The following CYFIP2 variants were observed in gnomAD, a reference collection of about 807,000 sequenced individuals.
CYFIP2 encodes cytoplasmic FMR1 interacting protein 2.
Under a neutral mutation model 158.7 loss-of-function variants are expected in CYFIP2, and 29 were observed. The observed-to-expected ratio is 0.18, with a 90% confidence interval of 0.14 to 0.25. The LOEUF is 0.25. Among genes scored for constraint, CYFIP2 ranks in the 10% least tolerant of loss-of-function variants. CYFIP2 has a pLI of 1.00. For missense variants in CYFIP2, 852 were observed against 1,639.5 expected (o/e 0.52, Z 8.29); for synonymous variants, 585 against 617.6 (o/e 0.95, Z 0.78).
chr5:157,365,273 A>C (rs1027271289), intron 26 of CYFIP2: 8 of 152,222 alleles, frequency 5.3e-5, no homozygotes, highest in African/African-American at 1.9e-4. Flanking sequence ...GAAATACCAG[A>C]AAGTGCGAAG....
chr5:157,293,136 G>T (rs1757968937), intron 3 of CYFIP2, among the ~76,000 whole-genome samples: 1 of 152,026 alleles, frequency 6.6e-6, no homozygotes, highest in Admixed American at 6.6e-5. Flanking sequence ...GCTCATTGCA[G>T]CCTCTGCCCC....
intron 24 of CYFIP2, 23 bp downstream of exon 24, chr5:157,359,171 C>A (rs1235519059): frequency 6.2e-7 from 1 of 1,613,514 alleles, no homozygotes; most frequent in African/African-American, 1.3e-5. Context: ...CTCAGTGTGG[C>A]TTGAGATATG....
At chr5:157,289,774 C>T (rs1429679710) in intron 3 of CYFIP2, among the ~76,000 whole-genome samples, 1 of 152,070 alleles carries the variant, frequency 6.6e-6, no homozygotes, top group African/African-American at 2.4e-5. Flanking sequence ...TTGGGGGGCA[C>T]ACAATTCAGC....
chr5:157,365,900 C>T lies in CYFIP2; in HGVS notation c.3039+4302C>T, dbSNP rs145824360. Among the ~76,000 whole-genome samples, 13 of 151,546 alleles carry T rather than the reference C, an allele frequency of 8.6e-5. 1 individual carries two copies. Among genetic ancestry groups the T allele is most frequent in the Admixed American group, 7.2e-4 (11 of 15,208 alleles). On this transcript the variant is annotated intron_variant, in intron 26 of 30. Coordinates refer to ENST00000620254, the MANE Select transcript of CYFIP2 (RefSeq NM_001037333.3). ...GCATGAACAGACTAACTGAATCATC[C>T]GTTTTACTGTGGGTGGACATTTGGG... is the stretch of plus-strand genomic sequence containing the variant.
chr5:157,285,614 C>T (rs141082748), intron 2 of CYFIP2, 136 bp downstream of exon 2: 330 of 716,748 alleles, frequency 4.6e-4, no homozygotes, highest in East Asian at 1.2e-3. Context: ...GTCCCTTGTG[C>T]GCTGGTAGAG....
At chr5:157,339,943 T>G (rs940999346) in intron 22 of CYFIP2, among the ~76,000 whole-genome samples, 6 of 152,166 alleles carry the variant, frequency 3.9e-5, no homozygotes, top group African/African-American at 1.4e-4. Flanking sequence ...GGCAGGATCG[T>G]GCATTTTTAT....
intron 8 of CYFIP2, among the ~76,000 whole-genome samples, chr5:157,305,723 C>T (rs1345251893): frequency 6.6e-6 from 1 of 152,200 alleles, no homozygotes; most frequent in Non-Finnish European, 1.5e-5. Context: ...CTATGTTGAC[C>T]AGGCTGGTCT....
rs1433088579 is a variant in CYFIP2, at chr5:157,330,847, C to G, written c.2262C>G (p.Val754=). Residue 754 remains valine, a synonymous_variant, in exon 20 of 31, where the codon GTC becomes GTG. Coordinates refer to ENST00000620254, the MANE Select transcript of CYFIP2 (RefSeq NM_001037333.3). The part of the protein sequence containing the change: ...RYETLLKQRH[V]QLLGRSIDLN... Reference sequence around the variant, plus strand: ...AAACACTGCTGAAGCAGAGACACGTCCAGGTATGGGGAGCAGAAGCCACCT... The same window carrying G: ...AAACACTGCTGAAGCAGAGACACGTGCAGGTATGGGGAGCAGAAGCCACCT... The G allele has an allele frequency of 6.2e-7, 1 of 1,613,346 alleles. No individual in the cohort carries two copies. The highest frequency in any genetic ancestry group is 1.1e-5 in the South Asian group (1 of 91,076).
At chr5:157,350,561 T>A (rs1232427107) in intron 23 of CYFIP2, among the ~76,000 whole-genome samples, 4 of 152,266 alleles carry the variant, frequency 2.6e-5, no homozygotes, top group African/African-American at 9.6e-5. Context: ...GGTAATGTGA[T>A]GCCTCCAGAT....
At chr5:157,309,046 C>T (rs1362860228) in intron 9 of CYFIP2, among the ~76,000 whole-genome samples, 1 of 152,170 alleles carries the variant, frequency 6.6e-6, no homozygotes, top group Non-Finnish European at 1.5e-5. Context: ...GTTGTATAAT[C>T]CTGGCTTCTT....
intron 28 of CYFIP2, among the ~76,000 whole-genome samples, chr5:157,385,661 A>G (rs1766604958): frequency 6.6e-6 from 1 of 152,078 alleles, no homozygotes. Flanking sequence ...ATTTTTCTCA[A>G]TCTTTATTTT....
At chr5:157,283,207 AT>A (rs1757126016) in intron 1 of CYFIP2, among the ~76,000 whole-genome samples, 1 of 152,220 alleles carries the variant, frequency 6.6e-6, no homozygotes, top group African/African-American at 2.4e-5. Context: ...TAGACTGGGA[AT>A]AATCATAGTA....
chr5:157,393,516 TC>T lies in CYFIP2; in HGVS notation c.*517del, dbSNP rs1767513695. 6.6e-6 allele frequency: 1 copy of T among 152,580 alleles called. No homozygotes were observed. Among genetic ancestry groups the T allele is most frequent in the African/African-American group, 2.4e-5 (1 of 41,430 alleles). 9.5% of individuals were successfully genotyped at this position (152,580 alleles called of 1,614,324 possible). The stretch of plus-strand genomic sequence containing the variant: ...CCCTGCAGTGCCCCGGGTGTCATCT[TC>T]TCCCACTCTGGGTACCAGGGATTCT... On this transcript the variant is annotated 3_prime_UTR_variant, in exon 31 of 31. Coordinates refer to ENST00000620254, the MANE Select transcript of CYFIP2 (RefSeq NM_001037333.3).
chr5:157,310,524 G>A (rs1329381475), intron 10 of CYFIP2, among the ~76,000 whole-genome samples: 1 of 152,236 alleles, frequency 6.6e-6, no homozygotes, highest in Non-Finnish European at 1.5e-5. Context: ...GAGCCTCTGC[G>A]AACAAGTGTC....
At chr5:157,309,641 C>T in intron 9 of CYFIP2, 102 bp from the exon 10 acceptor site, 1 of 1,035,140 alleles carries the variant, frequency 9.7e-7, no homozygotes, top group Non-Finnish European at 1.4e-6. Context: ...GGTCGGCCCC[C>T]AGGCACACAC....
chr5:157,278,023 A>C (rs951662202), intron 1 of CYFIP2, among the ~76,000 whole-genome samples: 5 of 152,182 alleles, frequency 3.3e-5, no homozygotes, highest in African/African-American at 1.2e-4. Flanking sequence ...AAAATATGAT[A>C]TTATAATCTT....
rs752509723 is a variant in CYFIP2, at chr5:157,339,227, C to T, written c.2556C>T (p.Pro852=). ...VFWELNFDFL[P]NYCYNGSTNR... is the part of the protein sequence containing the mutation. ...GGGAACTGAACTTTGACTTTCTCCC[C>T]AACTACTGCTACAATGGGTCCACTA... is the stretch of plus-strand genomic sequence containing the variant. The change falls in exon 22 of 31, where the codon CCC becomes CCT. Residue 852 remains proline (P), a synonymous_variant. Transcript: ENST00000620254. 13 of 1,613,812 alleles carry T rather than the reference C, an allele frequency of 8.1e-6. No individual in the cohort carries two copies. The South Asian group carries it at 1.4e-4, about 18-fold the overall frequency.
At chr5:157,297,737 A>G (rs1204673630) in intron 5 of CYFIP2, among the ~76,000 whole-genome samples, 2 of 152,260 alleles carry the variant, frequency 1.3e-5, no homozygotes, top group East Asian at 3.8e-4. Flanking sequence ...GGGTACTTAC[A>G]TTAATTAAAA....
At chr5:157,313,783 TTATA>T (rs1300301386) in intron 11 of CYFIP2, among the ~76,000 whole-genome samples, 4 of 152,378 alleles carry the variant, frequency 2.6e-5, no homozygotes, top group East Asian at 3.9e-4. Context: ...TTGTGGAATA[TTATA>T]TAGATGTTTA....
Sources: allele counts gnomAD v4.1 joint callset (sites outside exome capture counted in the v4.1 genomes callset), GRCh38; gene constraint gnomAD v4.1.1; transcripts MANE v1.5; gene names NCBI Gene and HGNC (gene_info 2026-07-23, HGNC 2026-07-21).